COL25A1: variants seen among roughly 807,000 people sequenced by gnomAD.
The protein encoded by COL25A1 is collagen type XXV alpha 1 chain.
A neutral mutation model predicts 128.4 loss-of-function variants in COL25A1; 103 were observed. That is an observed-to-expected ratio of 0.80 (90% CI 0.68 to 0.94). COL25A1 has a LOEUF of 0.94. COL25A1 is among the 40% of genes least tolerant of loss of function. The pLI, the probability that COL25A1 is intolerant of heterozygous loss-of-function variation, is 0.00. For synonymous variants in COL25A1, 279 were observed against 277.2 expected (o/e 1.01, Z -0.06); for missense variants, 745 against 840.0 (o/e 0.89, Z 1.40).
At chr4:109,016,258 G>A (rs570980330) in intron 5 of COL25A1, among the ~76,000 whole-genome samples, 1 of 152,362 alleles carries the variant, frequency 6.6e-6, no homozygotes, top group East Asian at 1.9e-4. Context: ...TCAGGGTAGT[G>A]CTGATACAGC....
intron 3 of COL25A1, among the ~76,000 whole-genome samples, chr4:109,159,993 A>T (rs1183271194): frequency 6.6e-6 from 1 of 152,242 alleles, no homozygotes; most frequent in Non-Finnish European, 1.5e-5. Context: ...ATAAGTATTT[A>T]AAATCATGTA....
At chr4:108,862,628 G>T in intron 21 of COL25A1, 83 bp from the exon 22 acceptor site, 1 of 1,123,784 alleles carries the variant, frequency 8.9e-7, no homozygotes, top group Non-Finnish European at 1.3e-6. Flanking sequence ...CAGTGACTCA[G>T]AATAATGAAG....
intron 12 of COL25A1, among the ~76,000 whole-genome samples, chr4:108,920,081 G>C (rs567769979): frequency 6.6e-6 from 1 of 152,190 alleles, no homozygotes; most frequent in East Asian, 1.9e-4. Flanking sequence ...GAATTTAATC[G>C]TCAATTCTGA....
chr4:108,940,014 T>G (rs1287793592), intron 10 of COL25A1, among the ~76,000 whole-genome samples: 2 of 152,214 alleles, frequency 1.3e-5, no homozygotes, highest in Non-Finnish European at 2.9e-5. Context: ...TTAGCAATTT[T>G]GGGGGTTCAC....
chr4:109,099,220 C>G (rs922041380), intron 3 of COL25A1, among the ~76,000 whole-genome samples: 3 of 152,102 alleles, frequency 2.0e-5, no homozygotes, highest in African/African-American at 7.2e-5. Context: ...AGCAGATAAT[C>G]AGAAGAATGA....
At chr4:108,971,601 T>C (rs1393656952) in intron 8 of COL25A1, among the ~76,000 whole-genome samples, 2 of 152,162 alleles carry the variant, frequency 1.3e-5, no homozygotes, top group African/African-American at 4.8e-5. Context: ...GGACAGTGTG[T>C]GGCTGAGTGT....
intron 3 of COL25A1, among the ~76,000 whole-genome samples, chr4:109,112,501 A>AG (rs1274198857): frequency 9.8e-6 from 1 of 102,198 alleles, no homozygotes; most frequent in Non-Finnish European, 2.8e-5. Flanking sequence ...ATAAAATATT[A>AG]GAAAAAAAAA....
intron 3 of COL25A1, among the ~76,000 whole-genome samples, chr4:109,224,937 T>C (rs1200665509): frequency 6.6e-6 from 1 of 152,084 alleles, no homozygotes; most frequent in Non-Finnish European, 1.5e-5. Context: ...TGAAACTCCA[T>C]CTCAAAATAA....
At position 109,160,275 on chromosome 4, in the gene COL25A1, C is replaced by G. The variant is rs550147291; in HGVS notation, c.368-110096G>C. ...AAAGGTCTGAGAAGAAACACAATCA[C>G]TCCTTAAAGTTGAACATACGTGTAA... On this transcript the variant is annotated intron_variant, in intron 3 of 37. Transcript: ENST00000399132. 6.6e-4 allele frequency among the ~76,000 whole-genome samples: 100 copies of G among 152,276 alleles called. 1 individual carries two copies. The South Asian group carries it at 0.019, about 29-fold the overall frequency.
intron 8 of COL25A1, among the ~76,000 whole-genome samples, chr4:108,955,352 T>C (rs1470959440): frequency 6.6e-6 from 1 of 152,102 alleles, no homozygotes; most frequent in African/African-American, 2.4e-5. Context: ...GAAGTTAATG[T>C]TGGAAAAGTG....
chr4:109,128,591 C>T (rs1162352177), intron 3 of COL25A1, among the ~76,000 whole-genome samples: 1 of 152,200 alleles, frequency 6.6e-6, no homozygotes, highest in African/African-American at 2.4e-5. Context: ...GAGTTCGGGT[C>T]TTAAGCATGA....
At chr4:108,992,593 A>G (rs1025150) in intron 6 of COL25A1, among the ~76,000 whole-genome samples, 120,977 of 152,030 alleles carry the variant, frequency 0.8, 49,303 homozygotes, top group East Asian at 1. Context: ...ATAACATAAC[A>G]TAAGTATGGC....
At position 109,214,343 on chromosome 4, in the gene COL25A1, A is replaced by T. The variant is rs547700632; in HGVS notation, c.367+86240T>A. Among the ~76,000 whole-genome samples, 145 of 152,264 alleles carry T rather than the reference A, an allele frequency of 9.5e-4. 1 individual carries two copies. Among genetic ancestry groups the T allele is most frequent in the African/African-American group, 3.4e-3 (140 of 41,576 alleles). ...CCAAAAACATCTAGAGGCCATATAG[A>T]CAGTGTTATACCTTAACTTTATAAT... On this transcript the variant is annotated intron_variant, in intron 3 of 37. Transcript: ENST00000399132.
At chr4:109,274,872 ACTCT>A (rs1233798720) in intron 3 of COL25A1, among the ~76,000 whole-genome samples, 1 of 152,130 alleles carries the variant, frequency 6.6e-6, no homozygotes, top group African/African-American at 2.4e-5. Flanking sequence ...CGAATAATTA[ACTCT>A]CTCTATGAAA....
At chr4:109,048,278 A>G (rs1760642467) in intron 4 of COL25A1, 103 bp from the exon 5 acceptor site, 12 of 1,102,998 alleles carry the variant, frequency 1.1e-5, no homozygotes, top group Non-Finnish European at 1.6e-5. Flanking sequence ...TCAGCATGAC[A>G]TAATAGACAT....
intron 8 of COL25A1, among the ~76,000 whole-genome samples, chr4:108,971,472 G>A (rs10018888): frequency 0.027 from 4,079 of 152,268 alleles, 129 homozygotes; most frequent in African/African-American, 0.075. Context: ...CTCAGAGGAG[G>A]TGATATTTGA....
chr4:108,959,229 AG>A (rs1303651096), intron 8 of COL25A1, among the ~76,000 whole-genome samples: 1 of 152,102 alleles, frequency 6.6e-6, no homozygotes, highest in Non-Finnish European at 1.5e-5. Flanking sequence ...TTCCTTATAA[AG>A]GAAGGTAAAC....
chr4:109,294,852 C>A (rs1724825037), intron 3 of COL25A1, among the ~76,000 whole-genome samples: 1 of 152,074 alleles, frequency 6.6e-6, no homozygotes, highest in African/African-American at 2.4e-5. Flanking sequence ...CCCAGGGCTG[C>A]AAAGCAGTCC....
intron 3 of COL25A1, among the ~76,000 whole-genome samples, chr4:109,179,833 T>G (rs1774456812): frequency 6.6e-6 from 1 of 152,204 alleles, no homozygotes; most frequent in Non-Finnish European, 1.5e-5. Context: ...AATCAACAAT[T>G]AAAACTTAAT....
Sources: gnomAD v4.1 joint callset for allele counts (sites outside exome capture counted in the v4.1 genomes callset) on GRCh38, gnomAD v4.1.1 for gene constraint, MANE v1.5 for transcripts, NCBI Gene and HGNC (gene_info 2026-07-23, HGNC 2026-07-21) for gene names.